The following PCDHA6 variants were observed in gnomAD, a reference collection of about 807,000 sequenced individuals.
The protein encoded by PCDHA6 is protocadherin alpha-6.
A neutral mutation model predicts 60.3 loss-of-function variants in PCDHA6; 55 were observed. The ratio of observed to expected loss-of-function variants is 0.91; its 90% confidence interval spans 0.73 to 1.14. The LOEUF is 1.14. Among genes scored for constraint, PCDHA6 ranks in the 50% most tolerant of loss-of-function variants. The pLI is 0.00. For synonymous variants in PCDHA6, 652 were observed against 557.9 expected, an observed-to-expected ratio of 1.17 and a Z score of -2.38; for missense variants, 1,327 against 1,256.5, an observed-to-expected ratio of 1.06 and a Z score of -0.85.
chr5:140,955,493 T>G (rs1554221955), intron 1 of PCDHA6, among the ~76,000 whole-genome samples: 1 of 152,190 alleles, frequency 6.6e-6, no homozygotes, highest in African/African-American at 2.4e-5. Flanking sequence ...CCTGCCACCA[T>G]GTGAAGAAAG....
intron 1 of PCDHA6, chr5:140,871,216 G>A (rs782807102): frequency 5.6e-6 from 9 of 1,613,738 alleles, no homozygotes; most frequent in East Asian, 4.5e-5. Context: ...CGCCATCTGC[G>A]TGGTGTCCAG....
chr5:141,005,932 G>A (rs1588114868), intron 3 of PCDHA6, among the ~76,000 whole-genome samples: 2 of 152,074 alleles, frequency 1.3e-5, no homozygotes, highest in East Asian at 3.9e-4. Context: ...GGTTGACAGA[G>A]TGAGAACCTA....
At chr5:140,847,596 A>G (rs1159769892) in intron 1 of PCDHA6, 1 of 149,708 alleles carries the variant, frequency 6.7e-6, no homozygotes, top group Non-Finnish European at 1.5e-5. Context: ...TGAAATTAAA[A>G]CATATTGTAA....
At chr5:140,851,448 T>C (rs2042064678) in intron 1 of PCDHA6, 1 of 914,844 alleles carries the variant, frequency 1.1e-6, no homozygotes, top group African/African-American at 1.8e-5. Flanking sequence ...TGCTCCACTT[T>C]AGGAATCAAA....
In PCDHA6 at chr5:140,830,232, C is replaced by T. The variant is rs782042680; in HGVS notation, c.2141C>T (p.Thr714Met). 3 of 1,613,928 alleles carry T rather than the reference C, an allele frequency of 1.9e-6. No individual in the cohort carries two copies. The highest frequency in any genetic ancestry group is 2.2e-5 in the East Asian group (1 of 44,872). Residue 714 changes from threonine to methionine, a missense_variant, in exon 1 of 4, where the codon ACG becomes ATG. Thr to Met is a moderately conservative substitution (Grantham distance 81). Transcript: ENST00000529310. ...GCGGTATCCAGCCTGCTGGTCCTCA[C>T]GCTACTGCTGTACACAGCGCTGCGG... ...ICAVSSLLVLTLLLYTALRCS... is the reference protein window; with the variant it reads ...ICAVSSLLVLMLLLYTALRCS...
chr5:140,876,269 C>T, intron 1 of PCDHA6: 2 of 1,614,036 alleles, frequency 1.2e-6, no homozygotes, highest in Non-Finnish European at 1.7e-6. Flanking sequence ...CAACTAAATG[C>T]TTCCGATCCA....
In PCDHA6 at chr5:141,009,853, G is replaced by A. The variant is rs1482682626; in HGVS notation, c.2769G>A (p.Lys923=). The change falls in exon 4 of 4, where the codon AAG becomes AAA. Residue 923 remains lysine (K), a synonymous_variant. Transcript: ENST00000529310. ...FITFGKKEET[K]KKKKKKKGNK... ...CCTTCGGCAAAAAGGAGGAGACCAAGAAAAAGAAGAAAAAGAAGAAGGGTA... is the reference window on the plus strand; with the variant it reads ...CCTTCGGCAAAAAGGAGGAGACCAAAAAAAAGAAGAAAAAGAAGAAGGGTA... 12 of 1,613,590 alleles carry A rather than the reference G, an allele frequency of 7.4e-6. No individual in the cohort carries two copies. Among genetic ancestry groups the A allele is most frequent in the Non-Finnish European group, 1.0e-5 (12 of 1,179,924 alleles).
chr5:140,950,100 A>G (rs964595718), intron 1 of PCDHA6, among the ~76,000 whole-genome samples: 1 of 151,910 alleles, frequency 6.6e-6, no homozygotes, highest in Non-Finnish European at 1.5e-5. Flanking sequence ...CATTTGTATT[A>G]AATCTCATAC....
At chr5:140,875,501 G>A (rs1457273881) in intron 1 of PCDHA6, 2 of 1,613,368 alleles carry the variant, frequency 1.2e-6, no homozygotes, top group Non-Finnish European at 1.7e-6. Context: ...AGAGGCCCGG[G>A]ATCCCAGCGT....
intron 1 of PCDHA6, among the ~76,000 whole-genome samples, chr5:140,872,191 T>A (rs1168972133): frequency 1.3e-5 from 2 of 152,162 alleles, no homozygotes; most frequent in Non-Finnish European, 1.5e-5. Flanking sequence ...GTGTTAAACG[T>A]TCATCATAAA....
chr5:140,882,474 A>G, intron 1 of PCDHA6: 1 of 1,614,054 alleles, frequency 6.2e-7, no homozygotes, highest in Non-Finnish European at 8.5e-7. Context: ...GTGGCGTCCA[A>G]AAGACACGGG....
chr5:140,871,588 T>C, intron 1 of PCDHA6: 1 of 1,463,366 alleles, frequency 6.8e-7, no homozygotes, highest in Non-Finnish European at 9.1e-7. Context: ...GAAAGTTTTA[T>C]GAATAACCAG....
chr5:140,997,675 TG>T (rs1554255972), intron 3 of PCDHA6, among the ~76,000 whole-genome samples: 41 of 151,686 alleles, frequency 2.7e-4, no homozygotes, highest in African/African-American at 9.7e-4. Flanking sequence ...AGCTTGTGTG[TG>T]TGTGTGTGTG....
At chr5:140,993,830 A>G (rs536970854) in intron 3 of PCDHA6, among the ~76,000 whole-genome samples, 44 of 152,326 alleles carry the variant, frequency 2.9e-4, no homozygotes, top group Non-Finnish European at 5.0e-4. Context: ...GCTATACCAT[A>G]TAGCCTAGGT....
chr5:140,948,937 T>C (rs1309849094), intron 1 of PCDHA6, among the ~76,000 whole-genome samples: 1 of 134,978 alleles, frequency 7.4e-6, no homozygotes, highest in African/African-American at 2.6e-5. Context: ...ACATTTCTTC[T>C]AATATAAAAA....
At chr5:140,928,453 T>C in intron 1 of PCDHA6, 1 of 1,613,888 alleles carries the variant, frequency 6.2e-7, no homozygotes, top group Non-Finnish European at 8.5e-7. Context: ...GCTCAGGGGG[T>C]TTCATTTCCA....
At chr5:140,898,306 G>T (rs192633483) in intron 1 of PCDHA6, among the ~76,000 whole-genome samples, 3 of 152,228 alleles carry the variant, frequency 2.0e-5, no homozygotes, top group African/African-American at 4.8e-5. Flanking sequence ...TTTCTTCTAG[G>T]GTTTTTATGG....
chr5:140,968,994 G>T (rs1182509201), intron 1 of PCDHA6: 2 of 1,614,098 alleles, frequency 1.2e-6, no homozygotes, highest in Non-Finnish European at 1.7e-6. Context: ...GCATGCTGTG[G>T]AGGCTTCTGT....
At position 140,871,554 on chromosome 5, in the gene PCDHA6, T is replaced by G. The variant is rs1554165730; in HGVS notation, c.2394+41069T>G. On this transcript the variant is annotated intron_variant, in intron 1 of 3. Transcript: ENST00000529310. The stretch of plus-strand genomic sequence containing the variant: ...GTATGTGAAATTATTTAAAATCCAG[T>G]TTTTTTTCACGGATTTTTTAAGGGA... 18 of 1,487,284 alleles carry G rather than the reference T, an allele frequency of 1.2e-5. 1 individual carries two copies. The highest frequency in any genetic ancestry group is 1.8e-4 in the Middle Eastern group (1 of 5,534). The allele number at this position is 1,487,284 out of a possible 1,614,324, so 92.1% of individuals were successfully genotyped here.
Sources: allele counts gnomAD v4.1 joint callset (sites outside exome capture counted in the v4.1 genomes callset), GRCh38; gene constraint gnomAD v4.1.1; transcripts MANE v1.5; gene names NCBI Gene and HGNC (gene_info 2026-07-23, HGNC 2026-07-21).